Variants in WRN observed in about 807,000 individuals in gnomAD.
The protein encoded by WRN is bifunctional 3'-5' exonuclease/ATP-dependent helicase WRN.
WRN carries 149 observed loss-of-function variants against 180.7 expected under a neutral mutation model. That is an observed-to-expected ratio of 0.82 (90% confidence interval 0.72 to 0.94). WRN has a LOEUF of 0.94. Among genes scored for constraint, WRN ranks in the 40% least tolerant of loss-of-function variants. The probability of loss-of-function intolerance (pLI) is 0.00; values close to 1 mark genes in which losing one functional copy is unlikely to be tolerated. For synonymous variants in WRN, 548 were observed against 568.9 expected, an observed-to-expected ratio of 0.96 and a Z score of 0.52; for missense variants, 1,661 against 1,700.1, an observed-to-expected ratio of 0.98 and a Z score of 0.40.
intron 17 of WRN, among the ~76,000 whole-genome samples, chr8:31,098,285 G>A (rs529142854): frequency 6.6e-6 from 1 of 152,244 alleles, no homozygotes; most frequent in African/African-American, 2.4e-5. Flanking sequence ...AAATTTCATG[G>A]TTGTATTGCA....
intron 31 of WRN, among the ~76,000 whole-genome samples, chr8:31,153,269 A>G (rs1402175731): frequency 6.6e-6 from 1 of 152,144 alleles, no homozygotes; most frequent in Non-Finnish European, 1.5e-5. Context: ...CCAAAACCCA[A>G]CTACCCTGTA....
chr8:31,040,214 G>A (rs1811597457), intron 1 of WRN, among the ~76,000 whole-genome samples: 1 of 152,178 alleles, frequency 6.6e-6, no homozygotes, highest in Admixed American at 6.5e-5. Flanking sequence ...GGAGCAGTTT[G>A]GGGAAACTTT....
chr8:31,087,835 G>T lies in WRN; in HGVS notation c.1491G>T (p.Met497Ile). 2 of 1,613,652 alleles carry T rather than the reference G, an allele frequency of 1.2e-6. No homozygotes were observed. Among genetic ancestry groups the T allele is most frequent in the South Asian group, 1.1e-5 (1 of 91,066 alleles). Residue 497 changes from methionine to isoleucine, a missense_variant, in exon 12 of 35, where the codon ATG (methionine) becomes ATT (isoleucine). By Grantham distance (10) the Met-to-Ile change is conservative (BLOSUM62 1). Coordinates refer to ENST00000298139, the MANE Select transcript of WRN (RefSeq NM_000553.6). The part of the protein sequence containing the change: ...VEPTHSKCLK[M>I]ERNLGLPTKE... ...CAACTCATTCTAAATGCTTAAAAAT[G>T]GAAAGAAATCTGGGTCTTCCTACTA...
rs1049084963 is a variant in WRN at position 31,160,414 on chromosome 8, C to T, written c.3982+2884C>T. 1.8e-4 allele frequency among the ~76,000 whole-genome samples: 27 copies of T among 152,308 alleles called. 1 individual carries two copies. The highest frequency in any genetic ancestry group is 6.5e-4 in the African/African-American group (27 of 41,566). ...AGAGGCATCTTATGAGAAAGCTGGC[C>T]AACTCTCCTGGTCACCTTCTAATCT... is the stretch of plus-strand genomic sequence containing the variant. On this transcript the variant is annotated intron_variant, in intron 33 of 34. Coordinates refer to ENST00000298139, the MANE Select transcript of WRN (RefSeq NM_000553.6).
Position 31,165,435 on chromosome 8 carries a change from AAATT to A in WRN, c.3983-1586_3983-1583del, listed in dbSNP as rs1201708419. 3.9e-5 allele frequency among the ~76,000 whole-genome samples: 6 copies of A among 152,260 alleles called. 1 individual carries two copies. The highest frequency in any genetic ancestry group is 1.4e-4 in the African/African-American group (6 of 41,588). ...CAATGTGAGCTACATATGCAATTTT[AAATT>A]TTCTAGTAGCCACATTTTAAAAAGT... On this transcript the variant is annotated intron_variant, in intron 33 of 34. Coordinates refer to ENST00000298139, the MANE Select transcript of WRN (RefSeq NM_000553.6).
Position 31,080,970 on chromosome 8 carries a change from TTAAAC to T in WRN, c.945_949del (p.Leu315PhefsTer5), listed in dbSNP as rs2130118163. On this transcript the variant is annotated frameshift_variant, in exon 9 of 35. Transcript: ENST00000298139. LOFTEE classifies it high-confidence loss of function. ...GACTGAACTGAGGCCCAGCAATAAT[TTAAAC>T]TTATTATCCTTTGAAGATTCAACTA... The T allele has an allele frequency of 1.1e-5, 18 of 1,613,948 alleles. No individual in the cohort carries two copies. Among genetic ancestry groups the T allele is most frequent in the Non-Finnish European group, 1.5e-5 (18 of 1,179,918 alleles).
chr8:31,052,155 A>G (rs1263734484), intron 1 of WRN, among the ~76,000 whole-genome samples: 1 of 152,222 alleles, frequency 6.6e-6, no homozygotes, highest in Non-Finnish European at 1.5e-5. Flanking sequence ...CTATAGTATG[A>G]AAAAATATAG....
intron 32 of WRN, among the ~76,000 whole-genome samples, chr8:31,156,715 TAATA>T (rs1803400393): frequency 3.3e-5 from 5 of 152,356 alleles, no homozygotes; most frequent in Middle Eastern, 6.8e-3. Flanking sequence ...ATGTTTTACC[TAATA>T]AATATCTGAA....
At chr8:31,118,272 T>C (rs1022518087) in intron 20 of WRN, among the ~76,000 whole-genome samples, 1 of 152,144 alleles carries the variant, frequency 6.6e-6, no homozygotes, top group Non-Finnish European at 1.5e-5. Flanking sequence ...TCTCCCTTGC[T>C]GTGGCAGGAT....
intron 1 of WRN, among the ~76,000 whole-genome samples, chr8:31,051,365 T>C (rs920928185): frequency 2.0e-5 from 3 of 152,176 alleles, no homozygotes; most frequent in African/African-American, 7.2e-5. Context: ...AAGAGTGAAG[T>C]AGAGTATGGC....
chr8:31,171,390 A>C (rs1396221774), intron 34 of WRN: 1 of 152,194 alleles, frequency 6.6e-6, no homozygotes, highest in Non-Finnish European at 1.5e-5. Context: ...CACATCTCAA[A>C]AGAAGACATT....
At position 31,088,933 on chromosome 8, in the gene WRN, C is replaced by T; in HGVS notation, c.1620C>T (p.Leu540=). The part of the protein sequence containing the change: ...PAPNEEQVTC[L]KMYFGHSSFK... ...CCAATGAAGAGCAAGTTACTTGCCT[C>T]AAGATGTACTTTGGCCATTCCAGTT... Residue 540 remains leucine, a synonymous_variant, in exon 13 of 35, where the codon CTC becomes CTT. Transcript: ENST00000298139. The T allele has an allele frequency of 1.2e-6, 2 of 1,611,534 alleles. No individual in the cohort carries two copies. The highest frequency in any genetic ancestry group is 1.7e-6 in the Non-Finnish European group (2 of 1,178,726).
chr8:31,092,581 AC>A (rs35596403), intron 16 of WRN, among the ~76,000 whole-genome samples: 1 of 151,476 alleles, frequency 6.6e-6, no homozygotes, highest in African/African-American at 2.4e-5. Flanking sequence ...CCAAAAGAAC[AC>A]CCCTGCCCAT....
At chr8:31,050,702 G>T (rs968438440) in intron 1 of WRN, among the ~76,000 whole-genome samples, 19 of 152,020 alleles carry the variant, frequency 1.2e-4, no homozygotes, top group Admixed American at 1.2e-3. Context: ...TGTAGATACA[G>T]CTTTCTTCTT....
intron 1 of WRN, among the ~76,000 whole-genome samples, chr8:31,057,342 G>A (rs1486803312): frequency 2.0e-5 from 3 of 151,978 alleles, no homozygotes; most frequent in Admixed American, 1.3e-4. Flanking sequence ...TGAGGTGGGC[G>A]ATCGGATCAC....
At chr8:31,170,284 C>T (rs1399603171) in intron 34 of WRN, among the ~76,000 whole-genome samples, 3 of 152,064 alleles carry the variant, frequency 2.0e-5, no homozygotes, top group Non-Finnish European at 2.9e-5. Context: ...GCCACCTCTT[C>T]CCAGTACCCT....
At position 31,142,702 on chromosome 8, in the gene WRN, G is replaced by T. The variant is rs1281075870; in HGVS notation, c.3309+1G>T. On this transcript the variant is annotated splice_donor_variant, in intron 27 of 34. Transcript: ENST00000298139. LOFTEE classifies it high-confidence loss of function. ...AGTTGAATTAAGTACAGAGAAGAAG[G>T]TTTGTTTTAAAGAAATTGTTCTGAT... is the stretch of plus-strand genomic sequence containing the variant. 1.9e-6 allele frequency: 3 copies of T among 1,597,686 alleles called. No homozygotes were observed. Among genetic ancestry groups the T allele is most frequent in the South Asian group, 2.3e-5 (2 of 86,702 alleles).
intron 1 of WRN, among the ~76,000 whole-genome samples, chr8:31,048,441 T>C (rs759154519): frequency 4.1e-4 from 62 of 152,204 alleles, no homozygotes; most frequent in Non-Finnish European, 4.3e-4. Flanking sequence ...TACAGGAGAA[T>C]ACCTTATAAA....
At chr8:31,096,969 G>C in intron 17 of WRN, 119 bp downstream of exon 17, 1 of 923,112 alleles carries the variant, frequency 1.1e-6, no homozygotes, top group Non-Finnish European at 1.7e-6. Context: ...ACTTCCTCCA[G>C]GAAATCTCTG....
Sources: allele counts gnomAD v4.1 joint callset (sites outside exome capture counted in the v4.1 genomes callset), GRCh38; gene constraint gnomAD v4.1.1; transcripts MANE v1.5; gene names NCBI Gene and HGNC (gene_info 2026-07-23, HGNC 2026-07-21).